Variants in SMARCC1 observed in about 807,000 individuals in gnomAD.
SMARCC1 encodes the protein SWI/SNF complex subunit SMARCC1.
SMARCC1 carries 43 observed loss-of-function variants against 147.4 expected under a neutral mutation model. The ratio of observed to expected loss-of-function variants is 0.29; its 90% CI spans 0.23 to 0.38. SMARCC1 has a LOEUF of 0.38. Ranked by LOEUF, SMARCC1 falls within the 10% of genes least tolerant of loss-of-function variation. The probability of loss-of-function intolerance (pLI) is 1.00; values close to 1 mark genes in which losing one functional copy is unlikely to be tolerated. For missense variants in SMARCC1, 1,119 were observed against 1,381.1 expected, an observed-to-expected ratio of 0.81 and a Z score of 3.01; for synonymous variants, 495 against 484.4, an observed-to-expected ratio of 1.02 and a Z score of -0.29.
chr3:47,760,381 G>A (rs2034759671), intron 2 of SMARCC1, among the ~76,000 whole-genome samples: 1 of 152,112 alleles, frequency 6.6e-6, no homozygotes, highest in Admixed American at 6.6e-5. Context: ...TTAAGTCATG[G>A]GCCAGAGGGA....
At chr3:47,635,488 G>A (rs1387453592) in intron 23 of SMARCC1, 144 bp from the exon 24 acceptor site, 1 of 731,838 alleles carries the variant, frequency 1.4e-6, no homozygotes, top group Non-Finnish European at 2.3e-6. Context: ...GTTCTGTTGA[G>A]CCATTCCATG....
chr3:47,726,918 C>T (rs1028777127), intron 6 of SMARCC1, among the ~76,000 whole-genome samples: 4 of 151,912 alleles, frequency 2.6e-5, no homozygotes, highest in Non-Finnish European at 5.9e-5. Flanking sequence ...AATAATATTC[C>T]ACTGTGTGGG....
At chr3:47,593,940 G>A (rs1050526807) in intron 26 of SMARCC1, among the ~76,000 whole-genome samples, 18 of 152,132 alleles carry the variant, frequency 1.2e-4, no homozygotes, top group African/African-American at 4.3e-4. Context: ...CAAGGTGGGT[G>A]GATCACCTGA....
intron 19 of SMARCC1, among the ~76,000 whole-genome samples, chr3:47,663,461 A>G (rs2033378403): frequency 6.6e-6 from 1 of 152,192 alleles, no homozygotes; most frequent in African/African-American, 2.4e-5. Flanking sequence ...AAAATAACAT[A>G]AAAGCTGGGT....
In SMARCC1 at chr3:47,714,443, T is replaced by C; in HGVS notation, c.764A>G (p.Asp255Gly). 6.3e-7 allele frequency: 1 copy of C among 1,593,240 alleles called. No individual in the cohort carries two copies. Among genetic ancestry groups the C allele is most frequent in the Non-Finnish European group, 8.6e-7 (1 of 1,162,578 alleles). Reference protein sequence around the residue: ...HSNDVDAEIEDPPIPEKPWKV... With the variant: ...HSNDVDAEIEGPPIPEKPWKV... ...CCATGGTTTTTCTGGAATTGGTGGATCTTCAATTTCAGCATCAACATCATT... is the reference window on the plus strand; with the variant it reads ...CCATGGTTTTTCTGGAATTGGTGGACCTTCAATTTCAGCATCAACATCATT... The change falls in exon 8 of 28, where the codon GAT becomes GGT. Residue 255 changes from aspartate to glycine, a missense_variant. This residue lies in a region of SMARCC1 where 542 missense variants were observed against 611.8 expected (regional missense o/e 0.89). Coordinates refer to ENST00000254480, the MANE Select transcript of SMARCC1 (RefSeq NM_003074.4).
intron 21 of SMARCC1, among the ~76,000 whole-genome samples, chr3:47,648,088 G>A (rs760015015): frequency 1.3e-5 from 2 of 152,116 alleles, no homozygotes; most frequent in African/African-American, 4.8e-5. Flanking sequence ...TTTGCCTCCT[G>A]GGTTCAAGTG....
intron 9 of SMARCC1, among the ~76,000 whole-genome samples, chr3:47,709,222 C>G (rs2034054262): frequency 6.6e-6 from 1 of 151,808 alleles, no homozygotes; most frequent in Non-Finnish European, 1.5e-5. Flanking sequence ...GATCATTCCA[C>G]TGCACTCCAG....
At chr3:47,748,527 T>A (rs903665861) in intron 2 of SMARCC1, among the ~76,000 whole-genome samples, 3 of 108 alleles carry the variant, frequency 0.028, no homozygotes, top group Admixed American at 0.25. Flanking sequence ...CCCGGCCTAT[T>A]ATAATATTTA....
intron 3 of SMARCC1, among the ~76,000 whole-genome samples, chr3:47,740,200 TTTTTTTTTTTTA>T (rs1199794184): frequency 1.9e-4 from 25 of 129,944 alleles, no homozygotes; most frequent in Admixed American, 9.7e-4. Context: ...TTTTTTTTTT[TTTTTTTTTTTTA>T]AAAGACAGAC....
At chr3:47,710,923 TTAA>T (rs1280055580) in intron 8 of SMARCC1, 115 bp from the exon 9 acceptor site, 4 of 686,662 alleles carry the variant, frequency 5.8e-6, no homozygotes, top group Admixed American at 3.4e-5. Flanking sequence ...GCATAAAACA[TTAA>T]TAATGTGATA....
At chr3:47,729,834 C>T (rs2106821710) in intron 5 of SMARCC1, among the ~76,000 whole-genome samples, 1 of 152,322 alleles carries the variant, frequency 6.6e-6, no homozygotes, top group Non-Finnish European at 1.5e-5. Context: ...TTTCAGACCA[C>T]CGTAATAAAG....
chr3:47,720,007 G>A (rs986829002), intron 7 of SMARCC1, among the ~76,000 whole-genome samples: 11 of 151,976 alleles, frequency 7.2e-5, no homozygotes, highest in African/African-American at 2.2e-4. Context: ...CAAGTGCTGC[G>A]ATTACAGGCA....
chr3:47,712,521 TAAC>T (rs1158127744), intron 8 of SMARCC1, among the ~76,000 whole-genome samples: 1 of 152,188 alleles, frequency 6.6e-6, no homozygotes, highest in African/African-American at 2.4e-5. Context: ...ATGTGACAGC[TAAC>T]AACTGTTTGT....
chr3:47,639,112 T>TTTGTA (rs1356792840), intron 21 of SMARCC1, among the ~76,000 whole-genome samples: 1 of 152,150 alleles, frequency 6.6e-6, no homozygotes, highest in Non-Finnish European at 1.5e-5. Context: ...TTTGTAGAAA[T>TTTGTA]GAACTAGGCT....
chr3:47,771,208 CTAT>C (rs1236121977), intron 2 of SMARCC1, among the ~76,000 whole-genome samples: 1 of 152,152 alleles, frequency 6.6e-6, no homozygotes, highest in Admixed American at 6.6e-5. Context: ...GACGCCCCGC[CTAT>C]TATTTCTTAT....
chr3:47,764,777 A>G (rs971897378), intron 2 of SMARCC1, among the ~76,000 whole-genome samples: 5 of 152,228 alleles, frequency 3.3e-5, no homozygotes, highest in African/African-American at 1.2e-4. Context: ...TGTTTTATCC[A>G]CACGTATGTG....
At chr3:47,747,181 T>A (rs1186885635) in intron 2 of SMARCC1, among the ~76,000 whole-genome samples, 4 of 151,860 alleles carry the variant, frequency 2.6e-5, no homozygotes, top group Admixed American at 2.0e-4. Context: ...ACACCTGTAA[T>A]CCCAGCATTT....
Position 47,661,473 on chromosome 3 carries a change from AT to A in SMARCC1, c.2159-19del, listed in dbSNP as rs2033346890. ...AAACTCCTCTGGTTCAAGAATAAAA[AT>A]GGAACAGCAATCTAACTTTGCACAA... On this transcript the variant is annotated intron_variant, in intron 20 of 27. Transcript: ENST00000254480. The A allele has an allele frequency of 2.5e-6, 4 of 1,587,780 alleles. No homozygotes were observed. Among genetic ancestry groups the A allele is most frequent in the Non-Finnish European group, 3.4e-6 (4 of 1,171,314 alleles).
intron 24 of SMARCC1, among the ~76,000 whole-genome samples, chr3:47,623,218 A>G (rs939169690): frequency 1.4e-5 from 2 of 140,300 alleles, no homozygotes; most frequent in Admixed American, 1.5e-4. Flanking sequence ...CTGGCCTCCA[A>G]CTCCTGGGCT....
Sources: gnomAD v4.1 joint callset for allele counts (sites outside exome capture counted in the v4.1 genomes callset) on GRCh38, gnomAD v4.1.1 for gene constraint, gnomAD v4.1.1 regional missense constraint, MANE v1.5 for transcripts, NCBI Gene and HGNC (gene_info 2026-07-23, HGNC 2026-07-21) for gene names.